PATJ: variants seen among roughly 807,000 people sequenced by gnomAD.
PATJ encodes the protein PATJ crumbs cell polarity complex component.
In PATJ, 190 loss-of-function variants were observed where a neutral mutation model predicts 224.9. The ratio of observed to expected loss-of-function variants is 0.84; its 90% CI spans 0.75 to 0.95. The LOEUF (loss-of-function observed/expected upper bound fraction) is 0.95, where lower values mean the gene tolerates loss of function less well. Among genes scored for constraint, PATJ ranks in the 40% least tolerant of loss-of-function variants. PATJ has a pLI of 0.00. For synonymous variants in PATJ, 769 were observed against 820.3 expected, an observed-to-expected ratio of 0.94 and a Z score of 1.07; for missense variants, 2,121 against 2,270.3, an observed-to-expected ratio of 0.93 and a Z score of 1.34.
At chr1:61,880,271 A>G (rs1222567473) in intron 21 of PATJ, among the ~76,000 whole-genome samples, 1 of 152,226 alleles carries the variant, frequency 6.6e-6, no homozygotes, top group Non-Finnish European at 1.5e-5. Context: ...TCAGTTTTGT[A>G]CACTTAGCTA....
At chr1:62,046,132 G>A (rs544065578) in intron 30 of PATJ, among the ~76,000 whole-genome samples, 1 of 151,664 alleles carries the variant, frequency 6.6e-6, no homozygotes, top group Non-Finnish European at 1.5e-5. Context: ...GGCCCAAGAG[G>A]TCGAGGCTTC....
intron 29 of PATJ, among the ~76,000 whole-genome samples, chr1:62,030,638 G>A (rs555836485): frequency 7.2e-5 from 11 of 152,124 alleles, no homozygotes; most frequent in South Asian, 4.2e-4. Context: ...TAGACTATTC[G>A]TTCACCTCCA....
intron 27 of PATJ, among the ~76,000 whole-genome samples, chr1:61,954,458 A>G (rs1680146419): frequency 2.6e-5 from 4 of 152,168 alleles, no homozygotes; most frequent in African/African-American, 9.7e-5. Context: ...ATGTCACTTT[A>G]AAGTATTTTA....
At chr1:62,082,604 T>C (rs1054708332) in intron 32 of PATJ, among the ~76,000 whole-genome samples, 1 of 152,152 alleles carries the variant, frequency 6.6e-6, no homozygotes, top group Admixed American at 6.5e-5. Context: ...TTGTAAATAT[T>C]TTAGGCTTAT....
chr1:62,158,214 C>CT (rs1162001049), intron 43 of PATJ, among the ~76,000 whole-genome samples: 1 of 149,476 alleles, frequency 6.7e-6, no homozygotes, highest in African/African-American at 2.4e-5. Context: ...GCATTTATTT[C>CT]TTTTTTACCT....
chr1:61,985,220 G>T (rs1023367393), intron 27 of PATJ, among the ~76,000 whole-genome samples: 3 of 152,046 alleles, frequency 2.0e-5, no homozygotes, highest in African/African-American at 4.8e-5. Context: ...GCTGAGGCAG[G>T]GGAATCGCTT....
intron 28 of PATJ, among the ~76,000 whole-genome samples, chr1:62,015,817 A>C (rs906020010): frequency 2.6e-5 from 4 of 152,106 alleles, no homozygotes; most frequent in Middle Eastern, 3.2e-3. Flanking sequence ...ATAGACATGC[A>C]CCACCACGCC....
At chr1:62,108,751 T>C (rs1181119182) in intron 34 of PATJ, among the ~76,000 whole-genome samples, 1 of 152,136 alleles carries the variant, frequency 6.6e-6, no homozygotes, top group Admixed American at 6.5e-5. Context: ...AAAGGAAAAA[T>C]AGAACTTATG....
intron 14 of PATJ, among the ~76,000 whole-genome samples, chr1:61,816,064 CA>C (rs1345550300): frequency 6.6e-6 from 1 of 152,028 alleles, no homozygotes; most frequent in Non-Finnish European, 1.5e-5. Context: ...CTGGTTTTGA[CA>C]AAAAAAGTTG....
chr1:61,903,692 T>C (rs1671493695), intron 24 of PATJ, among the ~76,000 whole-genome samples: 1 of 152,152 alleles, frequency 6.6e-6, no homozygotes. Flanking sequence ...TGTATTCCTA[T>C]TAGTTACTTT....
chr1:61,833,764 A>G lies in PATJ; in HGVS notation c.2091A>G (p.Gly697=). The G allele has an allele frequency of 6.2e-7, 1 of 1,613,532 alleles. No individual in the cohort carries two copies. The highest frequency in any genetic ancestry group is 8.5e-7 in the Non-Finnish European group (1 of 1,179,650). Residue 697 remains glycine, a synonymous_variant, in exon 17 of 44, where the codon GGA becomes GGG. Transcript: ENST00000642238. ...TAGTAAAAGATTGTAAAGGTTTGGG[A>G]TTCAGCATTTTGGATTACCAGGTAT... ...VELVKDCKGL[G]FSILDYQDPL...
At chr1:61,961,635 G>A (rs1202307468) in intron 27 of PATJ, among the ~76,000 whole-genome samples, 1 of 152,128 alleles carries the variant, frequency 6.6e-6, no homozygotes, top group Non-Finnish European at 1.5e-5. Context: ...CAACCTGACA[G>A]CAAAAGATGT....
intron 13 of PATJ, among the ~76,000 whole-genome samples, chr1:61,807,016 A>C (rs1357408044): frequency 6.6e-6 from 1 of 151,662 alleles, no homozygotes; most frequent in South Asian, 2.1e-4. Flanking sequence ...GCTGGGTGTG[A>C]TAGTGGGCAC....
At chr1:62,043,840 G>C (rs1651997101) in intron 30 of PATJ, among the ~76,000 whole-genome samples, 1 of 151,902 alleles carries the variant, frequency 6.6e-6, no homozygotes, top group Admixed American at 6.6e-5. Flanking sequence ...TAATATTCCT[G>C]CCTCAGCCTC....
At chr1:62,157,831 CAAAAAAAAAAAAA>C (rs1160300843) in intron 43 of PATJ, among the ~76,000 whole-genome samples, 2 of 59,768 alleles carry the variant, frequency 3.3e-5, no homozygotes, top group Admixed American at 4.8e-4. Context: ...ACTCTGTCTC[CAAAAAAAAAAAAA>C]AAAAAAAAAA....
At chr1:62,100,324 G>T (rs755463254) in intron 33 of PATJ, 1 of 717,106 alleles carries the variant, frequency 1.4e-6, no homozygotes, top group Non-Finnish European at 2.6e-6. Flanking sequence ...CACAGTTCTG[G>T]AGGCTGGGAA....
chr1:61,770,713 C>A (rs1228040168), intron 5 of PATJ, among the ~76,000 whole-genome samples: 1 of 151,942 alleles, frequency 6.6e-6, no homozygotes, highest in Admixed American at 6.6e-5. Flanking sequence ...AGTTCAAGAT[C>A]AGCCTGGGTA....
intron 32 of PATJ, among the ~76,000 whole-genome samples, chr1:62,080,868 G>A (rs777273940): frequency 3.9e-5 from 6 of 152,014 alleles, no homozygotes; most frequent in Non-Finnish European, 5.9e-5. Flanking sequence ...AAACTATGGC[G>A]CATGGGTCAA....
At chr1:62,109,959 G>T (rs1663599852) in intron 34 of PATJ, among the ~76,000 whole-genome samples, 1 of 152,212 alleles carries the variant, frequency 6.6e-6, no homozygotes, top group East Asian at 1.9e-4. Flanking sequence ...CTCTGTAGCT[G>T]CTCTCTTCTA....
Sources: allele counts gnomAD v4.1 joint callset (sites outside exome capture counted in the v4.1 genomes callset), GRCh38; gene constraint gnomAD v4.1.1; transcripts MANE v1.5; gene names NCBI Gene and HGNC (gene_info 2026-07-23, HGNC 2026-07-21).